Variants in MEF2B observed in about 807,000 individuals in gnomAD.
The protein encoded by MEF2B is myocyte-specific enhancer factor 2B.
A neutral mutation model predicts 32.2 loss-of-function variants in MEF2B; 15 were observed. The observed-to-expected ratio is 0.47, with a 90% confidence interval of 0.31 to 0.72. The LOEUF (loss-of-function observed/expected upper bound fraction) is 0.72, where lower values mean the gene tolerates loss of function less well. Ranked by LOEUF, MEF2B falls within the 30% of genes least tolerant of loss-of-function variation. MEF2B has a pLI of 0.05. For synonymous variants in MEF2B, 205 were observed against 225.6 expected (o/e 0.91, Z 0.82); for missense variants, 441 against 511.5 (o/e 0.86, Z 1.33).
Position 19,167,289 on chromosome 19 carries a change from T to TG in MEF2B, c.-30+2915dup, listed in dbSNP as rs1259038255. ...TCGCTTGAACCTGGGAGGTGGAGGT[T>TG]GCAGTGAGCCGAGATTGTGCCACTG... is the stretch of plus-strand genomic sequence containing the variant. On this transcript the variant is annotated intron_variant, in intron 1 of 8. Coordinates refer to ENST00000424583, the MANE Select transcript of MEF2B (RefSeq NM_001145785.2). Among the ~76,000 whole-genome samples, 6 of 147,138 alleles carry TG rather than the reference T, an allele frequency of 4.1e-5. No homozygotes were observed. The South Asian group carries it at 1.1e-3, about 26-fold the overall frequency.
intron 1 of MEF2B, among the ~76,000 whole-genome samples, chr19:19,161,993 A>T (rs1337866739): frequency 6.6e-6 from 1 of 152,060 alleles, no homozygotes; most frequent in East Asian, 1.9e-4. Context: ...TTTTTAGTAC[A>T]GACAGGGTTT....
chr19:19,150,247 A>G (rs961554542), intron 2 of MEF2B, among the ~76,000 whole-genome samples: 3 of 150,738 alleles, frequency 2.0e-5, no homozygotes, highest in Non-Finnish European at 4.4e-5. Flanking sequence ...AAACACTGAC[A>G]GACCAGGCGC....
intron 1 of MEF2B, among the ~76,000 whole-genome samples, chr19:19,169,200 A>G (rs1055259642): frequency 7.2e-5 from 11 of 152,002 alleles, no homozygotes; most frequent in African/African-American, 2.7e-4. Flanking sequence ...TAAAAATACA[A>G]AAACTAGCCA....
chr19:19,146,087 G>A, intron 8 of MEF2B, 65 bp from the exon 9 acceptor site: 1 of 1,316,458 alleles, frequency 7.6e-7, no homozygotes, highest in Non-Finnish European at 1.0e-6. Flanking sequence ...CCAGGGGATG[G>A]CACAGCGTGG....
In MEF2B at chr19:19,146,893, C is replaced by T; in HGVS notation, c.542-18G>A. 3.7e-6 allele frequency: 6 copies of T among 1,605,636 alleles called. No homozygotes were observed. The highest frequency in any genetic ancestry group is 5.1e-6 in the Non-Finnish European group (6 of 1,175,830). On this transcript the variant is annotated intron_variant, in intron 5 of 8. Coordinates refer to ENST00000424583, the MANE Select transcript of MEF2B (RefSeq NM_001145785.2). ...CACCAGGCCTGGGGAAGAGGAGACC[C>T]CAGAGAGAGAGGACAGGCAGGCCAT... is the stretch of plus-strand genomic sequence containing the variant.
At chr19:19,154,952 G>C (rs149756767) in intron 1 of MEF2B, among the ~76,000 whole-genome samples, 4 of 152,194 alleles carry the variant, frequency 2.6e-5, no homozygotes, top group Non-Finnish European at 5.9e-5. Flanking sequence ...ACTCCAGGGT[G>C]CGTTAGTCCT....
In MEF2B at chr19:19,145,759, C is replaced by T. The variant is rs759032416; in HGVS notation, c.*38G>A. 7 of 1,555,784 alleles carry T rather than the reference C, an allele frequency of 4.5e-6. No homozygotes were observed. The highest frequency in any genetic ancestry group is 5.2e-6 in the Non-Finnish European group (6 of 1,150,010). On this transcript the variant is annotated 3_prime_UTR_variant, in exon 9 of 9. Transcript: ENST00000424583. This position sits in a 1 kb window ranked among gnomAD's most constrained non-coding sequence, Gnocchi z 4.6. The stretch of plus-strand genomic sequence containing the variant: ...GGGTCCCCACGTGCCCTCGCCGTAC[C>T]TGGCGAGCGCTCTGGGCTGGTGCCA...
In MEF2B at chr19:19,146,728, C is replaced by T. The variant is rs748882459; in HGVS notation, c.675+14G>A. ...CTGCCCTCATCAGCCCTGCCACACC[C>T]TCCCCTCACTCACGGAGGTGTTTAG... is the stretch of plus-strand genomic sequence containing the variant. On this transcript the variant is annotated intron_variant, in intron 6 of 8. Coordinates refer to ENST00000424583, the MANE Select transcript of MEF2B (RefSeq NM_001145785.2). 65 of 1,613,866 alleles carry T rather than the reference C, an allele frequency of 4.0e-5. No individual in the cohort carries two copies. Among genetic ancestry groups the T allele is most frequent in the Non-Finnish European group, 5.3e-5 (62 of 1,179,954 alleles).
chr19:19,153,110 C>T (rs963208639), intron 1 of MEF2B, among the ~76,000 whole-genome samples: 5 of 152,178 alleles, frequency 3.3e-5, no homozygotes, highest in Non-Finnish European at 7.4e-5. Flanking sequence ...CGGAAATGCC[C>T]CTGATGCCCA....
chr19:19,165,335 C>T (rs1236559769), intron 1 of MEF2B, among the ~76,000 whole-genome samples: 1 of 152,090 alleles, frequency 6.6e-6, no homozygotes, highest in African/African-American at 2.4e-5. Flanking sequence ...CCCGGCTACT[C>T]AGGAGGCTGA....
At chr19:19,153,218 T>G (rs2060097209) in intron 1 of MEF2B, among the ~76,000 whole-genome samples, 1 of 152,066 alleles carries the variant, frequency 6.6e-6, no homozygotes. Context: ...TCTGTCCCCA[T>G]TTTAGACACA....
At chr19:19,152,252 C>T (rs2060088839) in intron 1 of MEF2B, among the ~76,000 whole-genome samples, 2 of 151,638 alleles carry the variant, frequency 1.3e-5, no homozygotes, top group Admixed American at 6.6e-5. Flanking sequence ...TCCTACCCAC[C>T]CCATCTCTAT....
intron 8 of MEF2B, 45 bp downstream of exon 8, chr19:19,146,228 G>C: frequency 1.1e-6 from 1 of 923,024 alleles, no homozygotes; most frequent in Non-Finnish European, 1.5e-6. Context: ...AGCAGCGGCC[G>C]GGGCTTTGGA....
intron 1 of MEF2B, among the ~76,000 whole-genome samples, chr19:19,169,184 C>G (rs1321583411): frequency 2.6e-5 from 4 of 152,158 alleles, no homozygotes; most frequent in Middle Eastern, 3.4e-3. Context: ...GAAAGCCCAT[C>G]TCTACTAAAA....
intron 1 of MEF2B, among the ~76,000 whole-genome samples, chr19:19,153,964 G>C (rs1040555587): frequency 2.0e-5 from 3 of 151,874 alleles, no homozygotes; most frequent in African/African-American, 7.3e-5. Flanking sequence ...TGTTGTCTAG[G>C]TTGGTCTCAA....
At chr19:19,159,496 G>A (rs533120815) in intron 1 of MEF2B, among the ~76,000 whole-genome samples, 12 of 151,956 alleles carry the variant, frequency 7.9e-5, no homozygotes, top group African/African-American at 2.4e-4. Context: ...TGAGGTGACA[G>A]GAAGAGGCTG....
intron 1 of MEF2B, among the ~76,000 whole-genome samples, chr19:19,158,901 C>T (rs868036484): frequency 1.3e-5 from 2 of 151,928 alleles, no homozygotes; most frequent in African/African-American, 2.4e-5. Context: ...CCTGTCACTG[C>T]ACTCCAGCCC....
chr19:19,147,911 G>C (rs2060041541), intron 3 of MEF2B, 79 bp from the exon 4 acceptor site: 2 of 1,532,438 alleles, frequency 1.3e-6, no homozygotes, highest in African/African-American at 1.4e-5. Context: ...AGAGGGGACA[G>C]ACCATCCCCA....
chr19:19,158,456 A>C (rs920396696), intron 1 of MEF2B, among the ~76,000 whole-genome samples: 11 of 151,020 alleles, frequency 7.3e-5, no homozygotes, highest in African/African-American at 2.2e-4. Flanking sequence ...AAAAAAAAAA[A>C]AAAAAACAAA....
Sources: allele counts gnomAD v4.1 joint callset (sites outside exome capture counted in the v4.1 genomes callset), GRCh38; gene constraint gnomAD v4.1.1; non-coding constraint Gnocchi (gnomAD v3.1); transcripts MANE v1.5; gene names NCBI Gene and HGNC (gene_info 2026-07-23, HGNC 2026-07-21).